The following INPP5K variants were observed in gnomAD, a reference collection of about 807,000 sequenced individuals.
INPP5K encodes the protein inositol polyphosphate-5-phosphatase K.
A neutral mutation model predicts 53.5 loss-of-function variants in INPP5K; 35 were observed. The ratio of observed to expected loss-of-function variants is 0.65; its 90% confidence interval spans 0.50 to 0.87. The LOEUF is 0.87. Among genes scored for constraint, INPP5K ranks in the 40% least tolerant of loss-of-function variants. The pLI is 0.00. For synonymous variants in INPP5K, 253 were observed against 232.8 expected, an observed-to-expected ratio of 1.09 and a Z score of -0.79; for missense variants, 550 against 586.2, an observed-to-expected ratio of 0.94 and a Z score of 0.64.
At chr17:1,499,830 G>C (rs1437026687) in intron 7 of INPP5K, among the ~76,000 whole-genome samples, 1 of 152,200 alleles carries the variant, frequency 6.6e-6, no homozygotes, top group Non-Finnish European at 1.5e-5. Flanking sequence ...AATCAACCCA[G>C]AGTAATAAAG....
Position 1,516,562 on chromosome 17 carries a change from C to A in INPP5K, c.-63G>T. The A allele has an allele frequency of 6.8e-7, 1 of 1,478,790 alleles. No individual in the cohort carries two copies. Among genetic ancestry groups the A allele is most frequent in the Non-Finnish European group, 8.9e-7 (1 of 1,123,086 alleles). 91.6% of individuals were successfully genotyped at this position (1,478,790 alleles called of 1,614,324 possible). A position where few individuals can be genotyped will look rare whatever the true frequency, so the allele number is the denominator to read the frequency against. ...GCGTCTCCCGGCCAGCGGGTCCCGG[C>A]CAGAGCAGCCCTGCGGGCGGCCGGT... On this transcript the variant is annotated 5_prime_UTR_variant, in exon 1 of 12. Coordinates refer to ENST00000421807, the MANE Select transcript of INPP5K (RefSeq NM_016532.4).
intron 7 of INPP5K, among the ~76,000 whole-genome samples, chr17:1,505,304 T>C (rs2075128123): frequency 1.3e-5 from 2 of 152,112 alleles, no homozygotes; most frequent in Admixed American, 6.5e-5. Flanking sequence ...TTTTTAAATT[T>C]TCGTAGAGAC....
At chr17:1,514,873 G>A (rs186629819) in intron 1 of INPP5K, among the ~76,000 whole-genome samples, 68 of 150,776 alleles carry the variant, frequency 4.5e-4, no homozygotes, top group African/African-American at 1.6e-3. Flanking sequence ...GATCCCTGGA[G>A]CAAGCCAATT....
intron 7 of INPP5K, among the ~76,000 whole-genome samples, chr17:1,502,131 T>G (rs138705928): frequency 1.3e-5 from 2 of 150,944 alleles, no homozygotes; most frequent in South Asian, 2.1e-4. Context: ...GGGCAGATCA[T>G]GAGGTCAGGA....
intron 7 of INPP5K, among the ~76,000 whole-genome samples, chr17:1,502,184 C>T (rs1435064617): frequency 6.6e-6 from 1 of 152,042 alleles, no homozygotes; most frequent in African/African-American, 2.4e-5. Flanking sequence ...CCCGTCTCTA[C>T]TAAAAATACA....
intron 7 of INPP5K, among the ~76,000 whole-genome samples, chr17:1,502,226 G>C (rs1163626826): frequency 6.6e-6 from 1 of 152,144 alleles, no homozygotes; most frequent in African/African-American, 2.4e-5. Context: ...ACGGGCGCCT[G>C]TAGTCCCAGC....
intron 8 of INPP5K, among the ~76,000 whole-genome samples, chr17:1,497,115 C>T (rs900366939): frequency 1.3e-5 from 2 of 152,202 alleles, no homozygotes; most frequent in African/African-American, 4.8e-5. Context: ...TCAGGCCTCC[C>T]GCCTTATCTG....
At chr17:1,505,968 C>T (rs2075145560) in intron 7 of INPP5K, among the ~76,000 whole-genome samples, 1 of 152,216 alleles carries the variant, frequency 6.6e-6, no homozygotes, top group South Asian at 2.1e-4. Context: ...GGCCCCTTCT[C>T]AGCTTCTTAG....
rs1174641586 is a variant in INPP5K at position 1,509,208 on chromosome 17, C to T, written c.524G>A (p.Gly175Glu). The T allele has an allele frequency of 6.2e-7, 1 of 1,613,692 alleles. No homozygotes were observed. Among genetic ancestry groups the T allele is most frequent in the Non-Finnish European group, 8.5e-7 (1 of 1,180,004 alleles). Residue 175 changes from glycine to glutamate, a missense_variant, in exon 5 of 12, where the codon GGG becomes GAG. Physicochemically the swap from Gly to Glu is moderately conservative, Grantham distance 98. Transcript: ENST00000421807. The stretch of plus-strand genomic sequence containing the variant: ...GTCCAGGATGTTTGGGATGTCTCGC[C>T]CCTCACAATTCTGCATCTCCAGGAT... ...DRILEMQNCE[G>E]RDIPNILDHD...
At chr17:1,501,149 T>C (rs531676166) in intron 7 of INPP5K, among the ~76,000 whole-genome samples, 1 of 151,584 alleles carries the variant, frequency 6.6e-6, no homozygotes, top group East Asian at 1.9e-4. Context: ...TAGTAGAGAC[T>C]GGGTTTCACC....
intron 6 of INPP5K, 64 bp downstream of exon 6, chr17:1,508,051 A>T: frequency 8.7e-7 from 1 of 1,149,970 alleles, no homozygotes; most frequent in Non-Finnish European, 1.3e-6. Context: ...AACACTCTGC[A>T]CAGCTCACAT....
At chr17:1,496,440 A>G in intron 9 of INPP5K, 38 bp from the exon 10 acceptor site, 2 of 1,509,756 alleles carry the variant, frequency 1.3e-6, no homozygotes, top group Non-Finnish European at 1.8e-6. Context: ...GTCAGGGAGG[A>G]CATGGGACCT....
chr17:1,498,369 G>A (rs182269833), intron 7 of INPP5K, among the ~76,000 whole-genome samples: 14 of 152,252 alleles, frequency 9.2e-5, no homozygotes, highest in African/African-American at 3.1e-4. Context: ...ATGTTTTTAT[G>A]GATCAAATTG....
In INPP5K at chr17:1,495,822, C is replaced by A. The variant is rs773913138; in HGVS notation, c.*1G>T. On this transcript the variant is annotated 3_prime_UTR_variant, in exon 12 of 12. Coordinates refer to ENST00000421807, the MANE Select transcript of INPP5K (RefSeq NM_016532.4). ...CGCCTGGGATTCACTCCCATCCTGG[C>A]TCAGATCTGTGGCTGTGCTTCACCC... 1.9e-6 allele frequency: 3 copies of A among 1,612,096 alleles called. No homozygotes were observed. Among genetic ancestry groups the A allele is most frequent in the Non-Finnish European group, 1.7e-6 (2 of 1,178,396 alleles).
chr17:1,503,186 T>G (rs1389460759), intron 7 of INPP5K, among the ~76,000 whole-genome samples: 1 of 93,306 alleles, frequency 1.1e-5, no homozygotes, highest in South Asian at 2.6e-4. Flanking sequence ...ACGCCTGGCC[T>G]TTTTTTTTTT....
In INPP5K at chr17:1,497,963, C is replaced by T; in HGVS notation, c.936G>A (p.Lys312=). 6.2e-7 allele frequency: 1 copy of T among 1,614,012 alleles called. No individual in the cohort carries two copies. Among genetic ancestry groups the T allele is most frequent in the Non-Finnish European group, 8.5e-7 (1 of 1,179,926 alleles). ...CCAAGTCGAACGTGCCGGAGACAGG[C>T]TTGTGGTCGCTGATGCCGTACGTCA... The part of the protein sequence containing the change: ...SHMTYGISDH[K]PVSGTFDLEL... The change falls in exon 8 of 12, where the codon AAG becomes AAA. Residue 312 remains lysine (K), a synonymous_variant. Coordinates refer to ENST00000421807, the MANE Select transcript of INPP5K (RefSeq NM_016532.4).
intron 5 of INPP5K, chr17:1,508,478 C>A (rs1398738627): frequency 2.1e-6 from 1 of 485,282 alleles, no homozygotes; most frequent in African/African-American, 2.0e-5. Flanking sequence ...TCCTTCCTCT[C>A]CTTAACTGGT....
chr17:1,510,496 C>G (rs1457362791), intron 3 of INPP5K: 1 of 152,018 alleles, frequency 6.6e-6, no homozygotes. Flanking sequence ...CGTGAGCCAC[C>G]GCGCCCGGCC....
chr17:1,513,701 C>T (rs895659145), intron 2 of INPP5K, 140 bp from the exon 3 acceptor site: 13 of 916,094 alleles, frequency 1.4e-5, no homozygotes, highest in African/African-American at 9.8e-5. Context: ...TGCTGATCTC[C>T]AGCCCCCTTT....
Sources: allele counts gnomAD v4.1 joint callset (sites outside exome capture counted in the v4.1 genomes callset), GRCh38; gene constraint gnomAD v4.1.1; transcripts MANE v1.5; gene names NCBI Gene and HGNC (gene_info 2026-07-23, HGNC 2026-07-21).